Variants in SORBS3 observed in about 807,000 individuals in gnomAD.
The protein encoded by SORBS3 is vinexin.
In SORBS3, 69 loss-of-function variants were observed where a neutral mutation model predicts 98.0. The observed-to-expected ratio is 0.70, with a 90% CI of 0.58 to 0.86. The LOEUF (loss-of-function observed/expected upper bound fraction) is 0.86, where lower values mean the gene tolerates loss of function less well. Among genes scored for constraint, SORBS3 ranks in the 40% least tolerant of loss-of-function variants. The pLI is 0.00. For missense variants in SORBS3, 954 were observed against 908.5 expected, an observed-to-expected ratio of 1.05 and a Z score of -0.64; for synonymous variants, 394 against 355.4, an observed-to-expected ratio of 1.11 and a Z score of -1.22.
chr8:22,564,287 TC>T lies in SORBS3; in HGVS notation c.681del (p.Arg228AspfsTer6). The T allele has an allele frequency of 6.3e-7, 1 of 1,593,916 alleles. No individual in the cohort carries two copies. The highest frequency in any genetic ancestry group is 1.1e-5 in the South Asian group (1 of 89,236). ...CACCCACCCACCTCCACGCAGGTGC[TC>T]AGACGCCGGGAAAAAGTAGACAATG... ...STVLQPSNQV[L>X]RRREKVDNVW... On this transcript the variant is annotated frameshift_variant, in exon 9 of 21. Transcript: ENST00000240123. LOFTEE classifies it high-confidence loss of function.
chr8:22,565,393 G>A, intron 11 of SORBS3, 39 bp downstream of exon 11: 1 of 1,492,380 alleles, frequency 6.7e-7, no homozygotes. Flanking sequence ...GCACGCCGGC[G>A]ACCGCAGGGT....
intron 11 of SORBS3, 48 bp from the exon 12 acceptor site, chr8:22,565,778 G>A (rs536172538): frequency 1.5e-6 from 2 of 1,304,128 alleles, no homozygotes; most frequent in Non-Finnish European, 2.0e-6. Context: ...CTCGGCTGCC[G>A]CTGGGTCCCG....
At chr8:22,569,549 A>AC (rs1840516703) in intron 17 of SORBS3, among the ~76,000 whole-genome samples, 1 of 152,188 alleles carries the variant, frequency 6.6e-6, no homozygotes, top group South Asian at 2.1e-4. Flanking sequence ...GATGTTGGCC[A>AC]GGATGGTCTC....
rs1168818537 is a variant in SORBS3 at position 22,569,748 on chromosome 8, C to CT, written c.1431+483dup. Among the ~76,000 whole-genome samples the CT allele has an allele frequency of 5.3e-5, 8 of 151,408 alleles. No homozygotes were observed. The East Asian group carries it at 5.8e-4, about 11-fold the overall frequency. On this transcript the variant is annotated intron_variant, in intron 17 of 20. Coordinates refer to ENST00000240123, the MANE Select transcript of SORBS3 (RefSeq NM_005775.5). ...CCTTTAGTGTAGTGGCTTTTTTTTG[C>CT]TTTTTTTTGAGACAGCATCTCACTA...
chr8:22,573,326 T>C (rs1478443555), intron 20 of SORBS3: 1 of 454,100 alleles, frequency 2.2e-6, no homozygotes, highest in African/African-American at 2.0e-5. Flanking sequence ...ACTAATAAAG[T>C]TTTGCAAACC....
chr8:22,555,251 G>C (rs1840163100), intron 3 of SORBS3, among the ~76,000 whole-genome samples: 1 of 152,178 alleles, frequency 6.6e-6, no homozygotes. Context: ...CAGGAGCCCT[G>C]GGCGCCGGAG....
chr8:22,565,583 T>G, intron 11 of SORBS3: 1 of 673,170 alleles, frequency 1.5e-6, no homozygotes, highest in East Asian at 3.8e-5. Flanking sequence ...CTAAGCGGAC[T>G]CCACGTCAGC....
chr8:22,554,629 G>A lies in SORBS3; in HGVS notation c.102+21G>A, dbSNP rs376000430. On this transcript the variant is annotated intron_variant, in intron 2 of 20. Coordinates refer to ENST00000240123, the MANE Select transcript of SORBS3 (RefSeq NM_005775.5). The surrounding 1 kb of genome is among the most constrained non-coding windows in gnomAD (Gnocchi z 6.5). ...CACGGGTGAGTGAGTCAGTAGGGAG[G>A]AGGGTGTCCTGCGGGCCCGGAGTTG... is the stretch of plus-strand genomic sequence containing the variant. 3.7e-6 allele frequency: 6 copies of A among 1,604,838 alleles called. No individual in the cohort carries two copies. In the African/African-American group the frequency reaches 8.0e-5, roughly 21 times the overall value.
chr8:22,571,161 G>A lies in SORBS3; in HGVS notation c.1683G>A (p.Gln561=). 6.3e-7 allele frequency: 1 copy of A among 1,588,978 alleles called. No individual in the cohort carries two copies. Among genetic ancestry groups the A allele is most frequent in the Non-Finnish European group, 8.6e-7 (1 of 1,169,252 alleles). Residue 561 remains glutamine, a synonymous_variant, in exon 18 of 21, where the codon CAG becomes CAA. Transcript: ENST00000240123. ...SPADPIDLGG[Q]TSPRRTGFSF... ...CTGACCCCATCGACTTGGGGGGACA[G>A]ACCTCCCCCCGTCGCACTGGCTTCT...
At chr8:22,569,298 G>T in intron 17 of SORBS3, 25 bp downstream of exon 17, 1 of 1,562,442 alleles carries the variant, frequency 6.4e-7, no homozygotes. Flanking sequence ...AGACGGAGGG[G>T]TGGGTGGGGG....
At chr8:22,553,132 C>G (rs1840117337) in intron 1 of SORBS3, among the ~76,000 whole-genome samples, 1 of 152,094 alleles carries the variant, frequency 6.6e-6, no homozygotes, top group South Asian at 2.1e-4. Flanking sequence ...GCCCCCAACT[C>G]TTCCACTGCT....
At chr8:22,548,226 C>T (rs537656847), upstream of SORBS3, among the ~76,000 whole-genome samples, 1 of 152,338 alleles carries the variant, frequency 6.6e-6, no homozygotes, top group East Asian at 1.9e-4. Flanking sequence ...GTCATTTGCA[C>T]TCCCTTCTTC....
chr8:22,570,379 G>C (rs1026445183), intron 17 of SORBS3, among the ~76,000 whole-genome samples: 2 of 152,212 alleles, frequency 1.3e-5, no homozygotes, highest in Admixed American at 1.3e-4. Context: ...ACACGCTCAT[G>C]ACAAGGTCCC....
Position 22,574,859 on chromosome 8 carries a change from G to T in SORBS3, c.*131G>T. ...CTCCCAGCATCTGCAGACGACCCCC[G>T]CAGCCTTTCCCTCGGACCCCCCTCG... On this transcript the variant is annotated 3_prime_UTR_variant, in exon 21 of 21. Coordinates refer to ENST00000240123, the MANE Select transcript of SORBS3 (RefSeq NM_005775.5). 1 of 880,318 alleles carries T rather than the reference G, an allele frequency of 1.1e-6. No individual in the cohort carries two copies. 54.5% of individuals were successfully genotyped at this position (880,318 alleles called of 1,614,324 possible).
chr8:22,564,181 TGGGCCCA>T, intron 8 of SORBS3, 95 bp from the exon 9 acceptor site: 2 of 1,483,972 alleles, frequency 1.3e-6, no homozygotes, highest in Non-Finnish European at 1.9e-6. Context: ...GAGGACACCG[TGGGCCCA>T]GGGGAAGGGC....
chr8:22,574,394 GA>G (rs765299619), intron 20 of SORBS3, among the ~76,000 whole-genome samples: 7 of 101,746 alleles, frequency 6.9e-5, no homozygotes, highest in South Asian at 6.8e-4. Flanking sequence ...CTTTGCGGAG[GA>G]GGGGGGGAGT....
chr8:22,567,265 C>T, intron 16 of SORBS3, 90 bp downstream of exon 16: 1 of 915,276 alleles, frequency 1.1e-6, no homozygotes, highest in Non-Finnish European at 1.7e-6. Context: ...TTTCCTAAAG[C>T]AAAAAACTGT....
chr8:22,556,945 C>T, intron 4 of SORBS3, 37 bp downstream of exon 4: 1 of 1,605,652 alleles, frequency 6.2e-7, no homozygotes, highest in Non-Finnish European at 8.5e-7. Context: ...GAGATGGGGC[C>T]CAGGGATCTA....
chr8:22,565,459 TC>T, intron 11 of SORBS3, 105 bp downstream of exon 11: 2 of 911,838 alleles, frequency 2.2e-6, no homozygotes, highest in Non-Finnish European at 3.0e-6. Context: ...GCAGCCGAGG[TC>T]CGGCCTCCAG....
Sources: gnomAD v4.1 joint callset for allele counts (sites outside exome capture counted in the v4.1 genomes callset) on GRCh38, gnomAD v4.1.1 for gene constraint, Gnocchi (gnomAD v3.1) non-coding constraint, MANE v1.5 for transcripts, NCBI Gene and HGNC (gene_info 2026-07-23, HGNC 2026-07-21) for gene names.